Variants in RABGAP1L observed in about 807,000 individuals in gnomAD.
The protein encoded by RABGAP1L is RAB GTPase activating protein 1 like.
Under a neutral mutation model 137.7 loss-of-function variants are expected in RABGAP1L, and 63 were observed. The observed-to-expected ratio is 0.46, with a 90% CI of 0.37 to 0.56. The LOEUF is 0.56. Among genes scored for constraint, RABGAP1L ranks in the 20% least tolerant of loss-of-function variants. RABGAP1L has a pLI of 0.00. For missense variants in RABGAP1L, 1,095 were observed against 1,244.0 expected, an observed-to-expected ratio of 0.88 and a Z score of 1.80; for synonymous variants, 431 against 433.7, an observed-to-expected ratio of 0.99 and a Z score of 0.08.
chr1:174,910,634 A>T (rs1438883813), intron 19 of RABGAP1L, among the ~76,000 whole-genome samples: 1 of 152,368 alleles, frequency 6.6e-6, no homozygotes, highest in East Asian at 1.9e-4. Flanking sequence ...TTGTTTGTAG[A>T]TGACATGATC....
Position 174,448,164 on chromosome 1 carries a change from T to G in RABGAP1L, c.1710+54019T>G, listed in dbSNP as rs1339394193. On this transcript the variant is annotated intron_variant, in intron 13 of 25. Coordinates refer to ENST00000681986, the MANE Select transcript of RABGAP1L (RefSeq NM_001366446.1). The surrounding 1 kb of genome is among the most constrained non-coding windows in gnomAD (Gnocchi z 4.2). ...AGGATCCTGAACATGAGCAGTGGCA[T>G]TGTGAATGTGTCCGAGCGTCACTCC... is the stretch of plus-strand genomic sequence containing the variant. 6.2e-7 allele frequency: 1 copy of G among 1,613,320 alleles called. No homozygotes were observed. The highest frequency in any genetic ancestry group is 1.7e-5 in the Admixed American group (1 of 59,998).
intron 3 of RABGAP1L, among the ~76,000 whole-genome samples, chr1:174,226,153 C>G (rs970852777): frequency 6.6e-6 from 1 of 152,148 alleles, no homozygotes. Context: ...TTCTGCAACT[C>G]GGACCACCCT....
At chr1:174,988,889 C>G in intron 25 of RABGAP1L, 51 bp downstream of exon 25, 1 of 1,473,028 alleles carries the variant, frequency 6.8e-7, no homozygotes, top group Non-Finnish European at 9.1e-7. Context: ...ATTAATGGTC[C>G]AGGATACTCT....
chr1:174,939,954 T>C (rs1341176340), intron 19 of RABGAP1L, among the ~76,000 whole-genome samples: 8 of 152,252 alleles, frequency 5.3e-5, no homozygotes, highest in Non-Finnish European at 7.3e-5. Context: ...TGAGTAAATC[T>C]GCTTTAGGCA....
chr1:174,532,669 A>G (rs1215379432), intron 13 of RABGAP1L, among the ~76,000 whole-genome samples: 4 of 152,200 alleles, frequency 2.6e-5, no homozygotes, highest in Non-Finnish European at 5.9e-5. Context: ...GAATGGAAAG[A>G]CAATACTATA....
intron 11 of RABGAP1L, among the ~76,000 whole-genome samples, chr1:174,350,051 C>A: frequency 7.7e-6 from 1 of 129,710 alleles, no homozygotes; most frequent in Non-Finnish European, 1.7e-5. Flanking sequence ...AGAGGCGCCC[C>A]TCACCTCCCG....
At chr1:174,216,062 T>G (rs1403579819) in intron 1 of RABGAP1L, among the ~76,000 whole-genome samples, 1 of 152,196 alleles carries the variant, frequency 6.6e-6, no homozygotes, top group Non-Finnish European at 1.5e-5. Flanking sequence ...TCACACATTC[T>G]CACTTATTTC....
At chr1:174,416,738 T>C (rs911162644) in intron 13 of RABGAP1L, among the ~76,000 whole-genome samples, 3 of 152,108 alleles carry the variant, frequency 2.0e-5, no homozygotes, top group Non-Finnish European at 4.4e-5. Context: ...GACTTACTAG[T>C]TTATTTGGCT....
At chr1:174,632,504 A>C in intron 13 of RABGAP1L, among the ~76,000 whole-genome samples, 1 of 150,440 alleles carries the variant, frequency 6.6e-6, no homozygotes, top group East Asian at 1.9e-4. Flanking sequence ...ACTTGGTTCC[A>C]TTCTCTGCAT....
intron 19 of RABGAP1L, among the ~76,000 whole-genome samples, chr1:174,880,579 T>G (rs939925123): frequency 2.1e-4 from 31 of 150,700 alleles, no homozygotes; most frequent in Admixed American, 1.1e-3. Flanking sequence ...CTCCCTCTCT[T>G]CCTTCCTCCC....
At chr1:174,838,511 C>G (rs1692989513) in intron 19 of RABGAP1L, among the ~76,000 whole-genome samples, 1 of 152,202 alleles carries the variant, frequency 6.6e-6, no homozygotes, top group African/African-American at 2.4e-5. Context: ...AGTGTTTTAT[C>G]TAACTGATGA....
chr1:174,346,505 C>G (rs867675571), intron 11 of RABGAP1L, among the ~76,000 whole-genome samples: 1 of 152,056 alleles, frequency 6.6e-6, no homozygotes, highest in East Asian at 1.9e-4. Flanking sequence ...TCCATTTATT[C>G]TAAGTTTTAC....
At chr1:174,819,483 A>G (rs1193772892) in intron 19 of RABGAP1L, among the ~76,000 whole-genome samples, 4 of 152,182 alleles carry the variant, frequency 2.6e-5, no homozygotes, top group Non-Finnish European at 5.9e-5. Flanking sequence ...TGTTAATTTA[A>G]TCACCTTAAT....
At chr1:174,821,167 C>T (rs776149604) in intron 19 of RABGAP1L, among the ~76,000 whole-genome samples, 1 of 152,076 alleles carries the variant, frequency 6.6e-6, no homozygotes, top group Non-Finnish European at 1.5e-5. Context: ...TACCATTTTA[C>T]TCTGATCACA....
rs866060607 is a variant in RABGAP1L, at chr1:174,159,582, G to C, written c.-109G>C. ...AGCGAACGGGACCGGCCCGGCTTCA[G>C]AGCGCGAGGTGGAGGGTGGAACGCG... On this transcript the variant is annotated 5_prime_UTR_variant, in exon 1 of 26. Transcript: ENST00000681986. The C allele has an allele frequency of 3.3e-5, 5 of 152,428 alleles. No individual in the cohort carries two copies. The highest frequency in any genetic ancestry group is 7.3e-5 in the Non-Finnish European group (5 of 68,206). 9.4% of individuals were successfully genotyped at this position (152,428 alleles called of 1,614,324 possible).
intron 18 of RABGAP1L, chr1:174,800,209 C>G: frequency 4.3e-6 from 6 of 1,401,388 alleles, no homozygotes; most frequent in Non-Finnish European, 5.6e-6. Flanking sequence ...GCTGACAATT[C>G]CCACCACAGA....
chr1:174,544,249 G>GT (rs928105206), intron 13 of RABGAP1L, among the ~76,000 whole-genome samples: 6 of 151,288 alleles, frequency 4.0e-5, no homozygotes, highest in East Asian at 1.9e-4. Flanking sequence ...GTGTAGATTT[G>GT]TTTTTTTCAC....
chr1:174,835,939 A>G (rs1692699570), intron 19 of RABGAP1L, among the ~76,000 whole-genome samples: 1 of 152,212 alleles, frequency 6.6e-6, no homozygotes, highest in South Asian at 2.1e-4. Flanking sequence ...GAAGCCACAC[A>G]TTGAGGGTGA....
At chr1:174,395,879 A>G (rs1647786679) in intron 13 of RABGAP1L, among the ~76,000 whole-genome samples, 1 of 151,774 alleles carries the variant, frequency 6.6e-6, no homozygotes, top group African/African-American at 2.4e-5. Context: ...GAGAAAGTAG[A>G]TATTTCCTAG....
Sources: allele counts gnomAD v4.1 joint callset (sites outside exome capture counted in the v4.1 genomes callset), GRCh38; gene constraint gnomAD v4.1.1; non-coding constraint Gnocchi (gnomAD v3.1); transcripts MANE v1.5; gene names NCBI Gene and HGNC (gene_info 2026-07-23, HGNC 2026-07-21).